The following NRG3 variants were observed in gnomAD, a reference collection of about 807,000 sequenced individuals.
NRG3 encodes the protein neuregulin 3, also known as pro-neuregulin-3, membrane-bound isoform.
A neutral mutation model predicts 66.9 loss-of-function variants in NRG3; 31 were observed. The ratio of observed to expected loss-of-function variants is 0.46; its 90% CI spans 0.35 to 0.63. NRG3 has a LOEUF of 0.63. Among genes scored for constraint, NRG3 ranks in the 20% least tolerant of loss-of-function variants. The pLI, the probability that NRG3 is intolerant of heterozygous loss-of-function variation, is 0.00. For synonymous variants in NRG3, 393 were observed against 359.4 expected, an observed-to-expected ratio of 1.09 and a Z score of -1.06; for missense variants, 910 against 878.9, an observed-to-expected ratio of 1.04 and a Z score of -0.45.
At chr10:82,271,119 G>T (rs1055265049) in intron 1 of NRG3, among the ~76,000 whole-genome samples, 1 of 152,012 alleles carries the variant, frequency 6.6e-6, no homozygotes, top group African/African-American at 2.4e-5. Context: ...AGGCTTAGGG[G>T]TGAGGTCTTG....
intron 1 of NRG3, among the ~76,000 whole-genome samples, chr10:82,293,167 G>T (rs1447021694): frequency 5.9e-5 from 9 of 152,070 alleles, no homozygotes; most frequent in Admixed American, 3.3e-4. Context: ...GTACAAGATG[G>T]GCTCCTCAGC....
intron 2 of NRG3, among the ~76,000 whole-genome samples, chr10:82,605,367 A>G (rs2047903657): frequency 6.6e-6 from 1 of 152,036 alleles, no homozygotes; most frequent in South Asian, 2.1e-4. Flanking sequence ...ACCCATTGAT[A>G]TGATAGATTA....
chr10:82,763,578 C>A (rs569988552), intron 3 of NRG3, among the ~76,000 whole-genome samples: 2 of 151,782 alleles, frequency 1.3e-5, no homozygotes, highest in African/African-American at 4.8e-5. Flanking sequence ...AATTAATATA[C>A]GAGTAAAGAA....
At chr10:81,922,932 T>C (rs2132888750) in intron 1 of NRG3, among the ~76,000 whole-genome samples, 2 of 152,282 alleles carry the variant, frequency 1.3e-5, no homozygotes, top group East Asian at 3.9e-4. Context: ...GCTGGTTCCT[T>C]GTACATTGTT....
At chr10:82,425,118 T>A (rs1341830844) in intron 2 of NRG3, among the ~76,000 whole-genome samples, 1 of 152,112 alleles carries the variant, frequency 6.6e-6, no homozygotes. Flanking sequence ...GATTGTTTGG[T>A]TATTCTGGAA....
At chr10:81,932,022 T>C (rs1471081899) in intron 1 of NRG3, among the ~76,000 whole-genome samples, 1 of 152,170 alleles carries the variant, frequency 6.6e-6, no homozygotes, top group Non-Finnish European at 1.5e-5. Context: ...AGAGACTTAA[T>C]TGGCTCATAG....
intron 2 of NRG3, among the ~76,000 whole-genome samples, chr10:82,630,277 C>G (rs1458441157): frequency 6.7e-6 from 1 of 149,892 alleles, no homozygotes; most frequent in African/African-American, 2.5e-5. Context: ...AGAAGAACAG[C>G]AATATGAAAA....
intron 4 of NRG3, among the ~76,000 whole-genome samples, chr10:82,918,976 C>T (rs1317017496): frequency 6.6e-6 from 1 of 152,128 alleles, no homozygotes; most frequent in African/African-American, 2.4e-5. Context: ...TCTGAAATCA[C>T]TGCTTTAAGG....
In NRG3 at chr10:82,166,051, T is replaced by C. The variant is rs186559264; in HGVS notation, c.824-192688T>C. ...TATTAATTTTTTTTGTGATGGAGTT[T>C]CACTCTTGTTGCCCAGACTGGAGTG... On this transcript the variant is annotated intron_variant, in intron 1 of 8. Coordinates refer to ENST00000372141, the MANE Select transcript of NRG3 (RefSeq NM_001010848.4). Among the ~76,000 whole-genome samples, 665 of 152,248 alleles carry C rather than the reference T, an allele frequency of 4.4e-3. 3 individuals are homozygous for C. Among genetic ancestry groups the C allele is most frequent in the African/African-American group, 0.011 (471 of 41,570 alleles).
At chr10:82,601,891 T>G (rs1189934819) in intron 2 of NRG3, among the ~76,000 whole-genome samples, 1 of 146,276 alleles carries the variant, frequency 6.8e-6, no homozygotes, top group Non-Finnish European at 1.5e-5. Context: ...TATATACAAA[T>G]ATATATATAT....
chr10:81,959,951 C>T (rs1392558273), intron 1 of NRG3, among the ~76,000 whole-genome samples: 1 of 152,010 alleles, frequency 6.6e-6, no homozygotes, highest in Non-Finnish European at 1.5e-5. Flanking sequence ...TTACTTTTCT[C>T]ACTAATTTGG....
intron 2 of NRG3, among the ~76,000 whole-genome samples, chr10:82,569,907 C>A (rs1035056120): frequency 1.3e-5 from 2 of 151,668 alleles, no homozygotes; most frequent in Non-Finnish European, 3.0e-5. Flanking sequence ...ACTCTTGATT[C>A]ACACTTGCCT....
chr10:82,059,893 C>T (rs1472883951), intron 1 of NRG3, among the ~76,000 whole-genome samples: 3 of 152,142 alleles, frequency 2.0e-5, no homozygotes, highest in African/African-American at 7.2e-5. Context: ...TCAGCCATAA[C>T]ATTGTATTTG....
chr10:82,342,602 C>A (rs2082739264), intron 1 of NRG3, among the ~76,000 whole-genome samples: 2 of 151,860 alleles, frequency 1.3e-5, no homozygotes, highest in Admixed American at 1.3e-4. Flanking sequence ...GTTTTGCCCC[C>A]TTTTTAATAG....
chr10:82,529,058 G>A (rs749571132), intron 2 of NRG3, among the ~76,000 whole-genome samples: 1 of 152,168 alleles, frequency 6.6e-6, no homozygotes, highest in Non-Finnish European at 1.5e-5. Flanking sequence ...TTCCAATATA[G>A]TCTTACCTAA....
intron 1 of NRG3, among the ~76,000 whole-genome samples, chr10:82,150,528 C>CAAAAAAAAAA (rs1264827514): frequency 4.8e-4 from 25 of 51,700 alleles, no homozygotes; most frequent in Non-Finnish European, 6.1e-4. Flanking sequence ...AAAGAGCACA[C>CAAAAAAAAAA]ACAAAAAAAA....
chr10:82,272,277 A>C (rs992034077), intron 1 of NRG3, among the ~76,000 whole-genome samples: 1 of 152,038 alleles, frequency 6.6e-6, no homozygotes, highest in Non-Finnish European at 1.5e-5. Context: ...AAGTGATCCA[A>C]CTGGCATAAG....
At chr10:82,419,782 T>G (rs1003391887) in intron 2 of NRG3, among the ~76,000 whole-genome samples, 2 of 152,202 alleles carry the variant, frequency 1.3e-5, no homozygotes, top group African/African-American at 2.4e-5. Context: ...GACATGATCT[T>G]TTAGAGTTTA....
At chr10:82,339,135 T>TG (rs1402570789) in intron 1 of NRG3, among the ~76,000 whole-genome samples, 1 of 152,230 alleles carries the variant, frequency 6.6e-6, no homozygotes, top group Non-Finnish European at 1.5e-5. Flanking sequence ...CCCTAAGACC[T>TG]GGATGTTTTC....
Sources: allele counts gnomAD v4.1 joint callset (sites outside exome capture counted in the v4.1 genomes callset), GRCh38; gene constraint gnomAD v4.1.1; transcripts MANE v1.5; gene names NCBI Gene and HGNC (gene_info 2026-07-23, HGNC 2026-07-21).